JADE2: variants seen among roughly 807,000 people sequenced by gnomAD.
JADE2 encodes E3 ubiquitin-protein ligase Jade-2.
A neutral mutation model predicts 85.7 loss-of-function variants in JADE2; 13 were observed. That is an observed-to-expected ratio of 0.15 (90% CI 0.10 to 0.24). JADE2 has a LOEUF of 0.24. JADE2 is among the 10% of genes least tolerant of loss of function. The pLI is 1.00. For missense variants in JADE2, 846 were observed against 1,115.9 expected, an observed-to-expected ratio of 0.76 and a Z score of 3.45; for synonymous variants, 440 against 456.1, an observed-to-expected ratio of 0.96 and a Z score of 0.45.
chr5:134,543,155 C>A lies in JADE2; in HGVS notation c.153+5072C>A, dbSNP rs181606745. ...GTTTAGGCAATTCCCCTGCCTCAGC[C>A]TCCCAAGTAGCTAGGATTACAGGTG... On this transcript the variant is annotated intron_variant, in intron 3 of 11. Coordinates refer to ENST00000681547, the MANE Select transcript of JADE2 (RefSeq NM_001388185.1). Among the ~76,000 whole-genome samples the A allele has an allele frequency of 6.6e-4, 100 of 151,860 alleles. No homozygotes were observed. The East Asian group carries it at 0.011, about 17-fold the overall frequency.
At chr5:134,534,969 G>A (rs1761492655) in intron 1 of JADE2, among the ~76,000 whole-genome samples, 1 of 152,176 alleles carries the variant, frequency 6.6e-6, no homozygotes. Context: ...CTGATGGAGG[G>A]TAAAAAGGCA....
chr5:134,531,062 A>ACATCCCAGCACAG (rs1469462409), intron 1 of JADE2, among the ~76,000 whole-genome samples: 38 of 152,328 alleles, frequency 2.5e-4, no homozygotes, highest in Non-Finnish European at 4.1e-4. Context: ...TTCCGTGGAC[A>ACATCCCAGCACAG]CTGGGTGGTG....
chr5:134,576,990 A>G (rs1330951908), intron 11 of JADE2, 94 bp downstream of exon 11: 1 of 1,392,436 alleles, frequency 7.2e-7, no homozygotes, highest in African/African-American at 1.5e-5. Flanking sequence ...AGCTGCACAG[A>G]GTAGGAGACT....
At chr5:134,552,524 T>C (rs2149937133) in intron 4 of JADE2, among the ~76,000 whole-genome samples, 1 of 152,306 alleles carries the variant, frequency 6.6e-6, no homozygotes, top group African/African-American at 2.4e-5. Flanking sequence ...GAAATTGGAA[T>C]GCTAACAATA....
In JADE2 at chr5:134,525,987, C is replaced by T. The variant is rs1760783847; in HGVS notation, c.-25C>T. 3 of 985,558 alleles carry T rather than the reference C, an allele frequency of 3.0e-6. No homozygotes were observed. Among genetic ancestry groups the T allele is most frequent in the Non-Finnish European group, 3.6e-6 (3 of 830,086 alleles). 61.1% of individuals were successfully genotyped at this position (985,558 alleles called of 1,614,324 possible). ...GCGGCGCGTAGCCGAGGGCAGCGCCCGTCAGGGGGGCACCGCGGAGCAAGG... is the reference window on the plus strand; with the variant it reads ...GCGGCGCGTAGCCGAGGGCAGCGCCTGTCAGGGGGGCACCGCGGAGCAAGG... On this transcript the variant is annotated 5_prime_UTR_variant, in exon 1 of 12. Coordinates refer to ENST00000681547, the MANE Select transcript of JADE2 (RefSeq NM_001388185.1).
chr5:134,558,682 G>A (rs1763136658), intron 4 of JADE2, among the ~76,000 whole-genome samples: 1 of 152,214 alleles, frequency 6.6e-6, no homozygotes, highest in Non-Finnish European at 1.5e-5. Context: ...GGGATTACAG[G>A]CATACACCAC....
At chr5:134,551,394 A>G (rs1319597959) in intron 3 of JADE2, among the ~76,000 whole-genome samples, 1 of 151,996 alleles carries the variant, frequency 6.6e-6, no homozygotes, top group Non-Finnish European at 1.5e-5. Flanking sequence ...ACACCCAGCT[A>G]CTTTTTAAAT....
chr5:134,573,951 G>T, intron 10 of JADE2, 189 bp downstream of exon 10: 1 of 673,398 alleles, frequency 1.5e-6, no homozygotes, highest in Non-Finnish European at 2.7e-6. Context: ...GTCCTGAGTT[G>T]TGCGTCACTA....
At chr5:134,555,024 C>G (rs938301342) in intron 4 of JADE2, among the ~76,000 whole-genome samples, 6 of 152,208 alleles carry the variant, frequency 3.9e-5, no homozygotes, top group Non-Finnish European at 7.4e-5. Context: ...GCCAGGAAAT[C>G]AAAGGCCCCG....
chr5:134,574,145 G>C (rs1463459630), intron 10 of JADE2: 1 of 326,014 alleles, frequency 3.1e-6, no homozygotes, highest in Non-Finnish European at 5.9e-6. Flanking sequence ...CTGAACCCTG[G>C]TGTGCCTGGG....
upstream of JADE2, chr5:134,525,535 G>A: frequency 2.9e-6 from 1 of 343,732 alleles, no homozygotes; most frequent in Non-Finnish European, 5.0e-6. Context: ...TGTCGGGAGC[G>A]GAGATCCGAG....
rs568828250 is a variant in JADE2 at position 134,540,399 on chromosome 5, C to CT, written c.153+2329dup. On this transcript the variant is annotated intron_variant, in intron 3 of 11. Transcript: ENST00000681547. The stretch of plus-strand genomic sequence containing the variant: ...ATGCCTGGCTAATTTTTTTTTTTGT[C>CT]TTTTTTTTTTTTTCAGTAGAGACAA... 2.0e-3 allele frequency among the ~76,000 whole-genome samples: 277 copies of CT among 140,764 alleles called. 1 individual carries two copies. The highest frequency in any genetic ancestry group is 3.6e-3 in the Middle Eastern group (1 of 274). 92.3% of individuals were successfully genotyped at this position (140,764 alleles called of 152,430 possible). A position where few individuals can be genotyped will look rare whatever the true frequency, so the allele number is the denominator to read the frequency against.
upstream of JADE2, among the ~76,000 whole-genome samples, chr5:134,524,992 C>A (rs926212798): frequency 2.6e-5 from 4 of 152,090 alleles, no homozygotes; most frequent in African/African-American, 9.7e-5. Context: ...CGAGGGTCTT[C>A]CAGCGCTGGA....
intron 1 of JADE2, 48 bp from the exon 2 acceptor site, chr5:134,535,810 G>T (rs1358384822): frequency 1.9e-6 from 3 of 1,556,106 alleles, no homozygotes; most frequent in African/African-American, 1.4e-5. Flanking sequence ...AGAGGTTGAG[G>T]ATTTCCCAAG....
rs372880368 is a variant in JADE2 at position 134,560,727 on chromosome 5, C to A, written c.473-19C>A. On this transcript the variant is annotated intron_variant, in intron 5 of 11. Transcript: ENST00000681547. ...GGCTGGGCTCCTAACACCACCATGC[C>A]CTGCTGTCCTCCTCACAGAGAGGCC... The A allele has an allele frequency of 1.2e-6, 2 of 1,607,576 alleles. No homozygotes were observed. The highest frequency in any genetic ancestry group is 3.4e-5 in the Admixed American group (2 of 59,222).
intron 9 of JADE2, among the ~76,000 whole-genome samples, chr5:134,571,622 G>A (rs534224040): frequency 5.9e-5 from 9 of 152,288 alleles, no homozygotes; most frequent in East Asian, 3.9e-4. Context: ...GCTTCAACCC[G>A]GGAGGCCGAG....
chr5:134,557,433 G>T, intron 4 of JADE2, among the ~76,000 whole-genome samples: 1 of 134,466 alleles, frequency 7.4e-6, no homozygotes. Context: ...ACATTGTGCA[G>T]GTTTGTTACA....
intron 4 of JADE2, among the ~76,000 whole-genome samples, chr5:134,556,911 C>T (rs1173965717): frequency 2.2e-5 from 3 of 134,826 alleles, no homozygotes; most frequent in Admixed American, 7.4e-5. Flanking sequence ...ATACCACATG[C>T]ACACACACAC....
intron 9 of JADE2, among the ~76,000 whole-genome samples, chr5:134,567,560 T>A (rs329315): frequency 6.6e-6 from 1 of 152,030 alleles, no homozygotes; most frequent in Admixed American, 6.5e-5. Context: ...ATGCTCACCC[T>A]CTCCCTGGGT....
Sources: allele counts gnomAD v4.1 joint callset (sites outside exome capture counted in the v4.1 genomes callset), GRCh38; gene constraint gnomAD v4.1.1; transcripts MANE v1.5; gene names NCBI Gene and HGNC (gene_info 2026-07-23, HGNC 2026-07-21).